The following NRXN1 variants were observed in gnomAD, a reference collection of about 807,000 sequenced individuals.
NRXN1 encodes the protein neurexin 1.
NRXN1 carries 39 observed loss-of-function variants against 150.9 expected under a neutral mutation model. The observed-to-expected ratio is 0.26, with a 90% CI of 0.20 to 0.34. The LOEUF (loss-of-function observed/expected upper bound fraction) is 0.34. Ranked by LOEUF, NRXN1 falls within the 10% of genes least tolerant of loss-of-function variation. NRXN1 has a pLI of 1.00. For synonymous variants in NRXN1, 924 were observed against 757.0 expected, an observed-to-expected ratio of 1.22 and a Z score of -3.62; for missense variants, 1,815 against 1,949.9, an observed-to-expected ratio of 0.93 and a Z score of 1.30.
chr2:50,347,219 C>A lies in NRXN1; in HGVS notation c.3365-110249G>T, dbSNP rs1034910059. 2.2e-6 allele frequency: 3 copies of A among 1,337,360 alleles called. No individual in the cohort carries two copies. Among genetic ancestry groups the A allele is most frequent in the African/African-American group, 3.0e-5 (2 of 67,208 alleles). The allele number at this position is 1,337,360 out of a possible 1,614,324, so 82.8% of individuals were successfully genotyped here. On this transcript the variant is annotated intron_variant, in intron 17 of 22. Transcript: ENST00000401669. The surrounding 1 kb of genome is among the most constrained non-coding windows in gnomAD (Gnocchi z 4.9). ...GAAAGGCAGCCCCGGGAACAGCAAGCGCGGAGCGGGTGGCTGCTCCCAGAT... is the reference window on the plus strand; with the variant it reads ...GAAAGGCAGCCCCGGGAACAGCAAGAGCGGAGCGGGTGGCTGCTCCCAGAT...
chr2:50,876,240 C>A (rs1257484716), intron 5 of NRXN1, among the ~76,000 whole-genome samples: 2 of 151,478 alleles, frequency 1.3e-5, no homozygotes, highest in East Asian at 3.9e-4. Flanking sequence ...TTTTTTTCTA[C>A]CTAACTGAAA....
intron 2 of NRXN1, among the ~76,000 whole-genome samples, chr2:50,981,841 G>A (rs34523500): frequency 0.14 from 15,467 of 113,522 alleles, 849 homozygotes; most frequent in South Asian, 0.23. Flanking sequence ...GTGTGTGTGT[G>A]TATGTGTGTG....
chr2:50,804,863 A>G (rs575729966), intron 5 of NRXN1, among the ~76,000 whole-genome samples: 2 of 152,202 alleles, frequency 1.3e-5, no homozygotes, highest in Non-Finnish European at 2.9e-5. Flanking sequence ...ATATACTTTT[A>G]TATCAGTAGT....
At chr2:50,134,273 G>GAAAAAAAAAAAAAAAAA (rs59985780) in intron 18 of NRXN1, among the ~76,000 whole-genome samples, 1 of 96,468 alleles carries the variant, frequency 1.0e-5, no homozygotes, top group Non-Finnish European at 2.3e-5. Flanking sequence ...AAAGTAACCA[G>GAAAAAAAAAAAAAAAAA]AAAAAAAAAA....
intron 17 of NRXN1, among the ~76,000 whole-genome samples, chr2:50,403,017 T>C (rs55795307): frequency 0.019 from 2,889 of 152,198 alleles, 37 homozygotes; most frequent in Middle Eastern, 0.088. Context: ...ACACTTCCAT[T>C]AACAATTAAA....
intron 15 of NRXN1, among the ~76,000 whole-genome samples, chr2:50,483,056 A>G (rs1245329702): frequency 1.2e-4 from 18 of 144,206 alleles, no homozygotes; most frequent in African/African-American, 4.2e-4. Flanking sequence ...GTGTCAAAAA[A>G]AAAAAAAAAA....
intron 17 of NRXN1, among the ~76,000 whole-genome samples, chr2:50,454,890 C>A (rs979188856): frequency 1.3e-5 from 2 of 152,112 alleles, no homozygotes; most frequent in Admixed American, 1.3e-4. Flanking sequence ...GAAGAACCAT[C>A]AAGTAATCAA....
intron 5 of NRXN1, among the ~76,000 whole-genome samples, chr2:50,734,603 C>T (rs746426652): frequency 3.9e-5 from 6 of 151,984 alleles, no homozygotes; most frequent in Non-Finnish European, 7.4e-5. Context: ...CCACTGCCTG[C>T]TCATATAAGG....
intron 17 of NRXN1, among the ~76,000 whole-genome samples, chr2:50,422,318 C>G (rs1252742906): frequency 1.3e-5 from 2 of 151,934 alleles, no homozygotes; most frequent in Non-Finnish European, 2.9e-5. Context: ...TAACTATAGC[C>G]TAGAGTAAAA....
At chr2:50,521,648 G>A (rs1443676604) in intron 12 of NRXN1, among the ~76,000 whole-genome samples, 1 of 152,144 alleles carries the variant, frequency 6.6e-6, no homozygotes, top group Non-Finnish European at 1.5e-5. Context: ...TGTACCACAT[G>A]TTAGCCAGTA....
intron 21 of NRXN1, among the ~76,000 whole-genome samples, chr2:49,975,549 T>A (rs1051305245): frequency 2.6e-5 from 4 of 152,184 alleles, no homozygotes; most frequent in African/African-American, 9.7e-5. Flanking sequence ...GCAAATTCTT[T>A]CTTTCATTCA....
At chr2:50,956,436 T>C (rs758177902) in intron 2 of NRXN1, among the ~76,000 whole-genome samples, 3 of 152,062 alleles carry the variant, frequency 2.0e-5, no homozygotes. Flanking sequence ...GTGATGGGCT[T>C]AAAACAAATA....
intron 5 of NRXN1, among the ~76,000 whole-genome samples, chr2:50,850,191 G>A (rs1256897010): frequency 6.7e-6 from 1 of 148,686 alleles, no homozygotes; most frequent in Non-Finnish European, 1.5e-5. Flanking sequence ...TTACTGCACT[G>A]CACTCCAGCC....
At chr2:50,954,514 G>A (rs182431423) in intron 2 of NRXN1, among the ~76,000 whole-genome samples, 2 of 152,310 alleles carry the variant, frequency 1.3e-5, no homozygotes, top group East Asian at 3.9e-4. Flanking sequence ...GGCATAGACA[G>A]ACTCACTTGA....
intron 5 of NRXN1, among the ~76,000 whole-genome samples, chr2:50,674,123 A>T (rs1434877079): frequency 1.3e-5 from 2 of 152,276 alleles, no homozygotes; most frequent in Non-Finnish European, 2.9e-5. Flanking sequence ...AACTCATTAA[A>T]ATAATGTGTA....
At chr2:50,522,616 T>G (rs543552207) in intron 12 of NRXN1, among the ~76,000 whole-genome samples, 1 of 152,028 alleles carries the variant, frequency 6.6e-6, no homozygotes, top group Non-Finnish European at 1.5e-5. Context: ...ATCCATGTAG[T>G]CATCTAAATA....
chr2:50,992,504 G>C (rs536103656), intron 2 of NRXN1, among the ~76,000 whole-genome samples: 40 of 145,936 alleles, frequency 2.7e-4, no homozygotes, highest in Non-Finnish European at 5.4e-4. Flanking sequence ...CTCCAAAATA[G>C]GTTTAGTGCT....
intron 5 of NRXN1, among the ~76,000 whole-genome samples, chr2:50,814,566 T>G (rs1271705401): frequency 6.6e-6 from 1 of 152,132 alleles, no homozygotes; most frequent in African/African-American, 2.4e-5. Flanking sequence ...TCATACCACA[T>G]GAAATCTGGA....
chr2:50,548,532 T>A (rs1014449684), intron 9 of NRXN1, among the ~76,000 whole-genome samples: 17 of 148,500 alleles, frequency 1.1e-4, no homozygotes, highest in Non-Finnish European at 6.1e-5. Context: ...TGCTAATTTA[T>A]TTTATTTTAT....
Sources: allele counts gnomAD v4.1 joint callset (sites outside exome capture counted in the v4.1 genomes callset), GRCh38; gene constraint gnomAD v4.1.1; non-coding constraint Gnocchi (gnomAD v3.1); transcripts MANE v1.5; gene names NCBI Gene and HGNC (gene_info 2026-07-23, HGNC 2026-07-21).